The following PSMC6 variants were observed in gnomAD, a reference collection of about 807,000 sequenced individuals.
PSMC6 encodes 26S proteasome regulatory subunit 10B.
A neutral mutation model predicts 55.9 loss-of-function variants in PSMC6; 3 were observed. The observed-to-expected ratio is 0.05, with a 90% confidence interval of 0.02 to 0.14. The LOEUF (loss-of-function observed/expected upper bound fraction) is 0.14, where lower values mean the gene tolerates loss of function less well. Ranked by LOEUF, PSMC6 falls within the 10% of genes least tolerant of loss-of-function variation. The pLI is 1.00. For missense variants in PSMC6, 210 were observed against 478.7 expected (o/e 0.44, Z 5.24); for synonymous variants, 137 against 155.9 (o/e 0.88, Z 0.90).
chr14:52,717,173 T>C (rs2041838681), intron 7 of PSMC6, among the ~76,000 whole-genome samples: 1 of 152,196 alleles, frequency 6.6e-6, no homozygotes. Context: ...TGTGAGGTGA[T>C]GGATATGTTG....
rs2041859840 is a variant in PSMC6 at position 52,718,922 on chromosome 14, G to T, written c.716-55G>T. The stretch of plus-strand genomic sequence containing the variant: ...ACTGTTATGTTCTGTTTTCTTAAAT[G>T]ATGGTTGTAGAGGAAAAGAGTAATG... On this transcript the variant is annotated intron_variant, in intron 9 of 13. Coordinates refer to ENST00000445930, the MANE Select transcript of PSMC6 (RefSeq NM_002806.5). 9.7e-6 allele frequency: 13 copies of T among 1,337,198 alleles called. No homozygotes were observed. In the Admixed American group the frequency reaches 2.4e-4, roughly 24 times the overall value. 82.8% of individuals were successfully genotyped at this position (1,337,198 alleles called of 1,614,324 possible). A position where few individuals can be genotyped will look rare whatever the true frequency, so the allele number is the denominator to read the frequency against.
rs1167995346 is a variant in PSMC6 at position 52,728,478 on chromosome 14, G to T, written c.*861G>T. ...CTCTTTAGGTATGTATGGATACCTG[G>T]CTAAGAGTGTATGATGTAGGGGATG... On this transcript the variant is annotated 3_prime_UTR_variant, in exon 14 of 14. Transcript: ENST00000445930. 1 of 152,158 alleles carries T rather than the reference G, an allele frequency of 6.6e-6. No individual in the cohort carries two copies. The highest frequency in any genetic ancestry group is 2.1e-4 in the South Asian group (1 of 4,826). 9.4% of individuals were successfully genotyped at this position (152,158 alleles called of 1,614,324 possible).
intron 10 of PSMC6, among the ~76,000 whole-genome samples, chr14:52,720,388 AAAAAAAAAAT>A (rs2041878237): frequency 1.3e-5 from 2 of 149,906 alleles, no homozygotes; most frequent in African/African-American, 4.9e-5. Context: ...AAAAAAAAAA[AAAAAAAAAAT>A]TATCAGTTTA....
chr14:52,717,623 A>G (rs895701280), intron 7 of PSMC6, among the ~76,000 whole-genome samples: 11 of 151,892 alleles, frequency 7.2e-5, no homozygotes, highest in African/African-American at 2.7e-4. Context: ...CACCTGGCCA[A>G]GTACTTTGGA....
At chr14:52,722,227 G>A (rs1382539790) in intron 12 of PSMC6, 2 of 152,284 alleles carry the variant, frequency 1.3e-5, no homozygotes, top group East Asian at 3.8e-4. Flanking sequence ...ATTTCAGATG[G>A]GTTTCAGAGA....
intron 4 of PSMC6, chr14:52,710,527 A>G (rs1337602546): frequency 6.5e-6 from 1 of 152,694 alleles, no homozygotes; most frequent in African/African-American, 2.4e-5. Flanking sequence ...ATAAGCCAAG[A>G]AATTATTTAG....
intron 7 of PSMC6, among the ~76,000 whole-genome samples, chr14:52,717,330 A>ATTTTTTT (rs71125121): frequency 1.8e-5 from 2 of 110,734 alleles, no homozygotes; most frequent in Non-Finnish European, 3.5e-5. Context: ...GTACTTTGGA[A>ATTTTTTT]TTTTTTTTTT....
Position 52,727,799 on chromosome 14 carries a change from A to T in PSMC6, c.*182A>T, listed in dbSNP as rs1032324949. ...TACAGAAGAAATTTGTATGTTTGTT[A>T]AAGTTGCATTTATTGCAGCAAGTTA... On this transcript the variant is annotated 3_prime_UTR_variant, in exon 14 of 14. Transcript: ENST00000445930. The T allele has an allele frequency of 4.3e-6, 2 of 460,392 alleles. No homozygotes were observed. The highest frequency in any genetic ancestry group is 7.8e-5 in the Admixed American group (2 of 25,702). 28.5% of individuals were successfully genotyped at this position (460,392 alleles called of 1,614,324 possible). A position where few individuals can be genotyped will look rare whatever the true frequency, so the allele number is the denominator to read the frequency against.
intron 6 of PSMC6, among the ~76,000 whole-genome samples, chr14:52,713,185 A>G (rs2041793634): frequency 6.6e-6 from 1 of 152,134 alleles, no homozygotes; most frequent in African/African-American, 2.4e-5. Context: ...AGCCAAGATC[A>G]TGCCATTGCA....
chr14:52,718,318 A>G lies in PSMC6; in HGVS notation c.681A>G (p.Pro227=). The change falls in exon 9 of 14, where the codon CCA becomes CCG. Residue 227 remains proline (P), a synonymous_variant. Transcript: ENST00000445930. ...EMFNYARDHQ[P]CIIFMDEIDA... ...TTAATTATGCTAGAGATCATCAACC[A>G]TGCATCATTTTTATGGATGAAATAG... The G allele has an allele frequency of 4.3e-6, 7 of 1,613,424 alleles. No individual in the cohort carries two copies. The highest frequency in any genetic ancestry group is 5.9e-6 in the Non-Finnish European group (7 of 1,179,434).
intron 10 of PSMC6, 122 bp downstream of exon 10, chr14:52,719,160 A>C: frequency 1.1e-6 from 1 of 914,376 alleles, no homozygotes; most frequent in Non-Finnish European, 1.6e-6. Flanking sequence ...ATTTGAAAAT[A>C]TTGTCAGGAA....
At position 52,707,256 on chromosome 14, in the gene PSMC6, C is replaced by T. The variant is rs151244912; in HGVS notation, c.37C>T (p.Arg13Cys). ...TAGAGATAAGGCGCTTCAGGACTAC[C>T]GCAAGAAGTTGCTTGAACACAAGGA... ...DPRDKALQDY[R>C]KKLLEHKEID... Residue 13 changes from arginine (R) to cysteine (C), a missense_variant, in exon 1 of 14, where the codon CGC becomes TGC. Transcript: ENST00000445930. 5 of 1,614,138 alleles carry T rather than the reference C, an allele frequency of 3.1e-6. No individual in the cohort carries two copies. The African/African-American group carries it at 5.3e-5, about 17-fold the overall frequency.
chr14:52,725,889 A>G (rs920805190), intron 13 of PSMC6, among the ~76,000 whole-genome samples: 4 of 152,274 alleles, frequency 2.6e-5, no homozygotes, highest in African/African-American at 9.6e-5. Context: ...GTTTACAAAA[A>G]TAACTTACCT....
chr14:52,711,373 A>G (rs764674741), intron 5 of PSMC6, 37 bp from the exon 6 acceptor site: 6 of 1,521,706 alleles, frequency 3.9e-6, no homozygotes, highest in African/African-American at 1.4e-5. Flanking sequence ...GAGAAAATAT[A>G]TCTTTCAAAA....
intron 1 of PSMC6, 87 bp downstream of exon 1, chr14:52,707,391 A>G (rs1471068292): frequency 1.1e-5 from 17 of 1,555,652 alleles, no homozygotes; most frequent in East Asian, 2.3e-5. Context: ...GAGCCCGGCA[A>G]CCGAGCCTTA....
At chr14:52,720,367 CAAAAAAAAA>C (rs71444775) in intron 10 of PSMC6, among the ~76,000 whole-genome samples, 239 of 41,468 alleles carry the variant, frequency 5.8e-3, no homozygotes, top group African/African-American at 0.018. Flanking sequence ...AACTCTGTCT[CAAAAAAAAA>C]AAAAAAAAAA....
chr14:52,716,709 T>C (rs1243343609), intron 7 of PSMC6, among the ~76,000 whole-genome samples: 1 of 151,684 alleles, frequency 6.6e-6, no homozygotes, highest in Non-Finnish European at 1.5e-5. Flanking sequence ...GCTGAGATCA[T>C]GCCATTGCAC....
chr14:52,724,783 A>G (rs1880336276), intron 13 of PSMC6, among the ~76,000 whole-genome samples: 1 of 152,208 alleles, frequency 6.6e-6, no homozygotes, highest in African/African-American at 2.4e-5. Flanking sequence ...TGTCTTCCAT[A>G]CAGAATCTTT....
At chr14:52,708,550 G>C in intron 3 of PSMC6, 28 bp downstream of exon 3, 1 of 1,601,260 alleles carries the variant, frequency 6.2e-7, no homozygotes. Context: ...TTATTAATTA[G>C]TAAAGAAACA....
Sources: allele counts gnomAD v4.1 joint callset (sites outside exome capture counted in the v4.1 genomes callset), GRCh38; gene constraint gnomAD v4.1.1; transcripts MANE v1.5; gene names NCBI Gene and HGNC (gene_info 2026-07-23, HGNC 2026-07-21).